Variants in MTX3 observed in about 807,000 individuals in gnomAD.
MTX3 encodes metaxin 3, also known as metaxin-3.
MTX3 carries 27 observed loss-of-function variants against 42.5 expected under a neutral mutation model. That is an observed-to-expected ratio of 0.64 (90% confidence interval 0.47 to 0.88). The LOEUF is 0.88. Among genes scored for constraint, MTX3 ranks in the 40% least tolerant of loss-of-function variants. MTX3 has a pLI of 0.00. For synonymous variants in MTX3, 144 were observed against 132.9 expected (o/e 1.08, Z -0.57); for missense variants, 378 against 367.0 (o/e 1.03, Z -0.25).
intron 1 of MTX3, 95 bp downstream of exon 1, chr5:79,991,062 TG>T: frequency 7.8e-7 from 1 of 1,276,544 alleles, no homozygotes; most frequent in Non-Finnish European, 1.1e-6. Flanking sequence ...TCGGCCCTCC[TG>T]GACCCCGCAG....
At position 79,983,200 on chromosome 5, in the gene MTX3, C is replaced by A. The variant is rs918927585; in HGVS notation, c.*484G>T. The A allele has an allele frequency of 3.9e-5, 6 of 155,714 alleles. No homozygotes were observed. The highest frequency in any genetic ancestry group is 1.4e-4 in the African/African-American group (6 of 41,446). 9.6% of individuals were successfully genotyped at this position (155,714 alleles called of 1,614,324 possible). On this transcript the variant is annotated 3_prime_UTR_variant, in exon 9 of 9. Transcript: ENST00000512528. Reference sequence around the variant, plus strand: ...GGTCTCTTCTACTGAAGCAATTTATCTTTTTCTGGTTCCTAAAATAGGCAT... The same window carrying A: ...GGTCTCTTCTACTGAAGCAATTTATATTTTTCTGGTTCCTAAAATAGGCAT...
At position 79,985,604 on chromosome 5, in the gene MTX3, TTG is replaced by T. The variant is rs1831471568; in HGVS notation, c.793_794del (p.Gln265ThrfsTer4). Reference sequence around the variant, plus strand: ...TCAAGTTGGATTCCTTATTTACAAGTTGTGTGAGTTTCTGCAGATTTGCATCT... The same window carrying T: ...TCAAGTTGGATTCCTTATTTACAAGTTGTGAGTTTCTGCAGATTTGCATCT... ...TVDANLQKLT[Q>X]LVNKESNLIE... On this transcript the variant is annotated frameshift_variant, in exon 8 of 9. Transcript: ENST00000512528. LOFTEE classifies it high-confidence loss of function. The T allele has an allele frequency of 1.9e-6, 3 of 1,613,156 alleles. No homozygotes were observed. The highest frequency in any genetic ancestry group is 4.5e-5 in the East Asian group (2 of 44,862).
intron 7 of MTX3, among the ~76,000 whole-genome samples, chr5:79,986,035 G>T (rs751744107): frequency 6.6e-6 from 1 of 151,434 alleles, no homozygotes; most frequent in African/African-American, 2.4e-5. Context: ...CAACTATCTG[G>T]ATAGTTTTCT....
rs1831427227 is a variant in MTX3, at chr5:79,983,793, A to G, written c.830T>C (p.Met277Thr). 6.2e-7 allele frequency: 1 copy of G among 1,608,372 alleles called. No homozygotes were observed. The highest frequency in any genetic ancestry group is 1.3e-5 in the African/African-American group (1 of 74,770). Reference sequence around the variant, plus strand: ...AGGGCTTTGGCGAAGATTGTCATCCATCTGTAGAAAGTACAAAAGATACAT... The same window carrying G: ...AGGGCTTTGGCGAAGATTGTCATCCGTCTGTAGAAAGTACAAAAGATACAT... ...VNKESNLIEKMDDNLRQSPQL... is the reference protein window; with the variant it reads ...VNKESNLIEKTDDNLRQSPQL... Residue 277 changes from methionine to threonine, a missense_variant and splice_region_variant, in exon 9 of 9, where the codon ATG (methionine) becomes ACG (threonine). Transcript: ENST00000512528.
intron 6 of MTX3, among the ~76,000 whole-genome samples, 189 bp from the exon 7 acceptor site, chr5:79,987,296 C>T (rs1050051409): frequency 1.3e-5 from 2 of 151,680 alleles, no homozygotes; most frequent in African/African-American, 2.4e-5. Flanking sequence ...CAAAAGAAGT[C>T]GGGCGTGGTG....
chr5:79,976,742 T>G lies in MTX3; in HGVS notation c.*6942A>C, dbSNP rs1831258704. ...TCATAAGCAGTCAGGAGATTTGAGA[T>G]TTTTATTGAGAAAATAGCTATTTTG... On this transcript the variant is annotated 3_prime_UTR_variant, in exon 9 of 9. Coordinates refer to ENST00000512528, the MANE Select transcript of MTX3 (RefSeq NM_001363818.2). 1 of 152,592 alleles carries G rather than the reference T, an allele frequency of 6.6e-6. No individual in the cohort carries two copies. The highest frequency in any genetic ancestry group is 2.4e-5 in the African/African-American group (1 of 41,426). 9.5% of individuals were successfully genotyped at this position (152,592 alleles called of 1,614,324 possible). A position where few individuals can be genotyped will look rare whatever the true frequency, so the allele number is the denominator to read the frequency against.
At chr5:79,984,623 G>GA (rs566204923) in intron 8 of MTX3, among the ~76,000 whole-genome samples, 8,033 of 137,788 alleles carry the variant, frequency 0.058, 304 homozygotes, top group Middle Eastern at 0.1. Context: ...TTTGTATCAG[G>GA]AAAAAAAAAA....
chr5:79,983,660 T>C lies in MTX3; in HGVS notation c.*24A>G, dbSNP rs1387380699. The C allele has an allele frequency of 4.6e-6, 7 of 1,533,150 alleles. No individual in the cohort carries two copies. Among genetic ancestry groups the C allele is most frequent in the African/African-American group, 2.7e-5 (2 of 73,226 alleles). The allele number at this position is 1,533,150 out of a possible 1,614,324, so 95.0% of individuals were successfully genotyped here. A position where few individuals can be genotyped will look rare whatever the true frequency, so the allele number is the denominator to read the frequency against. On this transcript the variant is annotated 3_prime_UTR_variant, in exon 9 of 9. Coordinates refer to ENST00000512528, the MANE Select transcript of MTX3 (RefSeq NM_001363818.2). ...GAGATTACTGCAACAATCGTTTGACTTTGGCCACAAACCATGACTACTCTC... is the reference window on the plus strand; with the variant it reads ...GAGATTACTGCAACAATCGTTTGACCTTGGCCACAAACCATGACTACTCTC...
At chr5:79,985,431 A>C in intron 8 of MTX3, 140 bp downstream of exon 8, 1 of 647,400 alleles carries the variant, frequency 1.5e-6, no homozygotes, top group South Asian at 1.8e-5. Flanking sequence ...CTTTAGTGAA[A>C]GTATATTTAA....
intron 6 of MTX3, among the ~76,000 whole-genome samples, chr5:79,988,015 C>T (rs1461937911): frequency 6.6e-6 from 1 of 152,166 alleles, no homozygotes; most frequent in African/African-American, 2.4e-5. Context: ...TGGGGTTTCG[C>T]CATGTTGGGC....
Position 79,989,216 on chromosome 5 carries a change from G to A in MTX3, c.257C>T (p.Ala86Val). 1 of 1,605,934 alleles carries A rather than the reference G, an allele frequency of 6.2e-7. No individual in the cohort carries two copies. Among genetic ancestry groups the A allele is most frequent in the Non-Finnish European group, 8.5e-7 (1 of 1,175,920 alleles). ...QKYNADYELS[A>V]KQGADTLAYI... is the part of the protein sequence containing the mutation. ...AGCCAATGTATCTGCCCCTTGTTTT[G>A]CTGAGAGTTCATAATCAGCATTATA... The change falls in exon 4 of 9, where the codon GCA (alanine) becomes GTA (valine). Residue 86 changes from alanine to valine, a missense_variant. Ala to Val is a moderately conservative substitution (Grantham distance 64, BLOSUM62 0). Coordinates refer to ENST00000512528, the MANE Select transcript of MTX3 (RefSeq NM_001363818.2).
chr5:79,988,686 T>C, intron 4 of MTX3, 42 bp from the exon 5 acceptor site: 1 of 1,473,824 alleles, frequency 6.8e-7, no homozygotes, highest in South Asian at 1.4e-5. Context: ...TGTTCTTTTA[T>C]TAAATGAAAG....
rs1831380872 is a variant in MTX3 at position 79,981,829 on chromosome 5, T to C, written c.*1855A>G. 6.6e-6 allele frequency: 1 copy of C among 152,152 alleles called. No individual in the cohort carries two copies. The highest frequency in any genetic ancestry group is 2.4e-5 in the African/African-American group (1 of 41,432). The allele number at this position is 152,152 out of a possible 1,614,324, so 9.4% of individuals were successfully genotyped here. ...AAATTGTCCTGTTTTACATGTAATA[T>C]ACTTGTAATATACATGTAATGTACT... On this transcript the variant is annotated 3_prime_UTR_variant, in exon 9 of 9. Transcript: ENST00000512528.
At position 79,982,629 on chromosome 5, in the gene MTX3, A is replaced by G. The variant is rs1199723012; in HGVS notation, c.*1055T>C. 1 of 238,918 alleles carries G rather than the reference A, an allele frequency of 4.2e-6. No individual in the cohort carries two copies. The highest frequency in any genetic ancestry group is 8.6e-6 in the Non-Finnish European group (1 of 116,826). The allele number at this position is 238,918 out of a possible 1,614,324, so 14.8% of individuals were successfully genotyped here. On this transcript the variant is annotated 3_prime_UTR_variant, in exon 9 of 9. Coordinates refer to ENST00000512528, the MANE Select transcript of MTX3 (RefSeq NM_001363818.2). ...TAGAAAATATTCATTAAAAGCTGCT[A>G]TTTCTGATTGTTCCTTTGTATTCTT...
At chr5:79,990,113 A>G in intron 3 of MTX3, 47 bp downstream of exon 3, 2 of 1,190,264 alleles carry the variant, frequency 1.7e-6, no homozygotes, top group Non-Finnish European at 1.2e-6. Context: ...CCCAACATGC[A>G]GGGATCAACA....
Position 79,989,827 on chromosome 5 carries a change from C to T in MTX3, c.228+333G>A, listed in dbSNP as rs545249242. ...AGTTGGTGAGAGCTCAGGTGTCATG[C>T]CCAGCACAAAATGTGTACCAACTAT... On this transcript the variant is annotated intron_variant, in intron 3 of 8. Transcript: ENST00000512528. 1.2e-4 allele frequency among the ~76,000 whole-genome samples: 19 copies of T among 152,204 alleles called. No homozygotes were observed. In the South Asian group the frequency reaches 2.9e-3, roughly 23 times the overall value.
At chr5:79,984,778 G>A (rs968839030) in intron 8 of MTX3, among the ~76,000 whole-genome samples, 1 of 151,702 alleles carries the variant, frequency 6.6e-6, no homozygotes, top group Non-Finnish European at 1.5e-5. Flanking sequence ...ACCCCAAGTG[G>A]CAAAATATCT....
At chr5:79,986,075 C>A (rs548659442) in intron 7 of MTX3, among the ~76,000 whole-genome samples, 12 of 151,974 alleles carry the variant, frequency 7.9e-5, no homozygotes, top group Middle Eastern at 3.4e-3. Flanking sequence ...AGTTGCCCAC[C>A]AGACATCCAA....
At chr5:79,984,334 A>T (rs1206610076) in intron 8 of MTX3, among the ~76,000 whole-genome samples, 1 of 152,170 alleles carries the variant, frequency 6.6e-6, no homozygotes, top group Non-Finnish European at 1.5e-5. Flanking sequence ...TATTCTTTCA[A>T]CTATACTTCT....
Sources: gnomAD v4.1 joint callset for allele counts (sites outside exome capture counted in the v4.1 genomes callset) on GRCh38, gnomAD v4.1.1 for gene constraint, MANE v1.5 for transcripts, NCBI Gene and HGNC (gene_info 2026-07-23, HGNC 2026-07-21) for gene names.